The following AGO3 variants were observed in gnomAD, a reference collection of about 807,000 sequenced individuals.
AGO3 encodes the protein argonaute RISC catalytic component 3.
A neutral mutation model predicts 105.5 loss-of-function variants in AGO3; 16 were observed. The ratio of observed to expected loss-of-function variants is 0.15; its 90% CI spans 0.10 to 0.23. The LOEUF is 0.23. Among genes scored for constraint, AGO3 ranks in the 10% least tolerant of loss-of-function variants. The pLI, the probability that AGO3 is intolerant of heterozygous loss-of-function variation, is 1.00. For synonymous variants in AGO3, 340 were observed against 367.3 expected (o/e 0.93, Z 0.85); for missense variants, 534 against 1,088.0 (o/e 0.49, Z 7.16).
intron 9 of AGO3, 140 bp from the exon 10 acceptor site, chr1:36,013,490 C>G (rs955876160): frequency 6.3e-6 from 7 of 1,104,316 alleles, no homozygotes; most frequent in Non-Finnish European, 7.7e-6. Context: ...ATTCGCTGTT[C>G]TGTAGTTAGA....
intron 2 of AGO3, among the ~76,000 whole-genome samples, chr1:35,950,669 A>G (rs1646454690): frequency 6.6e-6 from 1 of 152,150 alleles, no homozygotes; most frequent in African/African-American, 2.4e-5. Context: ...AAATGTTACT[A>G]GTTTCTAATA....
At chr1:36,044,988 T>A (rs752556663) in intron 17 of AGO3, among the ~76,000 whole-genome samples, 3 of 152,210 alleles carry the variant, frequency 2.0e-5, no homozygotes, top group Non-Finnish European at 4.4e-5. Context: ...CAGCTCTGTA[T>A]CTTATAGCTT....
At chr1:35,937,506 C>T (rs773909202) in intron 1 of AGO3, among the ~76,000 whole-genome samples, 2 of 152,008 alleles carry the variant, frequency 1.3e-5, no homozygotes, top group African/African-American at 2.4e-5. Flanking sequence ...GCCTAACCAA[C>T]ATGGTGAAAC....
chr1:35,997,004 G>A (rs530484951), intron 5 of AGO3, among the ~76,000 whole-genome samples: 5 of 152,136 alleles, frequency 3.3e-5, no homozygotes, highest in African/African-American at 4.8e-5. Flanking sequence ...GCGGCCAGAC[G>A]CAGTGGCTCT....
In AGO3 at chr1:36,027,288, A is replaced by T. The variant is rs779474793; in HGVS notation, c.1581A>T (p.Thr527=). The T allele has an allele frequency of 4.2e-5, 68 of 1,612,632 alleles. No homozygotes were observed. Among genetic ancestry groups the T allele is most frequent in the Non-Finnish European group, 5.6e-5 (66 of 1,179,084 alleles). Residue 527 remains threonine, a synonymous_variant, in exon 12 of 19, where the codon ACA becomes ACT. Transcript: ENST00000373191. This position sits in a 1 kb window ranked among gnomAD's most constrained non-coding sequence, Gnocchi z 4.0. The stretch of plus-strand genomic sequence containing the variant: ...TTATCGTCATCCTGCCGGGGAAGAC[A>T]CCAGTGTATGGTAAGGATATCTTAA... ...QLIIVILPGK[T]PVYAEVKRVG...
rs1026487680 is a variant in AGO3 at position 36,066,541 on chromosome 1, CAA to C, written c.*10797_*10798del. The C allele has an allele frequency of 7.2e-5, 11 of 152,054 alleles. No homozygotes were observed. Among genetic ancestry groups the C allele is most frequent in the African/African-American group, 2.7e-4 (11 of 41,394 alleles). The allele number at this position is 152,054 out of a possible 1,614,324, so 9.4% of individuals were successfully genotyped here. On this transcript the variant is annotated 3_prime_UTR_variant, in exon 19 of 19. Coordinates refer to ENST00000373191, the MANE Select transcript of AGO3 (RefSeq NM_024852.4). ...TGCCACTGCACTCCAGCCTGGGCGA[CAA>C]GAGTGAAACTCCGTCTCAAAAAATA...
intron 9 of AGO3, among the ~76,000 whole-genome samples, chr1:36,012,258 C>G (rs775386971): frequency 4.6e-5 from 7 of 151,076 alleles, no homozygotes; most frequent in Non-Finnish European, 8.8e-5. Context: ...CGCTTGGGCC[C>G]CAGGAGATTG....
intron 12 of AGO3, among the ~76,000 whole-genome samples, chr1:36,032,687 T>G (rs1015623180): frequency 2.0e-5 from 3 of 152,132 alleles, no homozygotes; most frequent in Admixed American, 6.5e-5. Context: ...TTTTTCTATG[T>G]TTTTTATATA....
intron 12 of AGO3, among the ~76,000 whole-genome samples, chr1:36,029,854 G>A (rs569158111): frequency 1.4e-3 from 213 of 151,418 alleles, no homozygotes; most frequent in Non-Finnish European, 2.5e-3. Context: ...CACCATGCCT[G>A]GCTAATTTTT....
At position 36,027,070 on chromosome 1, in the gene AGO3, C is replaced by A. The variant is rs775132392; in HGVS notation, c.1407-44C>A. ...TTCCCATTACTACTTTGTAGGAATT[C>A]ATGACTAGACAAAGGTTTTATATTT... is the stretch of plus-strand genomic sequence containing the variant. On this transcript the variant is annotated intron_variant, in intron 11 of 18. Coordinates refer to ENST00000373191, the MANE Select transcript of AGO3 (RefSeq NM_024852.4). This position sits in a 1 kb window ranked among gnomAD's most constrained non-coding sequence, Gnocchi z 4.0. 40 of 1,555,970 alleles carry A rather than the reference C, an allele frequency of 2.6e-5. No homozygotes were observed. In the Middle Eastern group the frequency reaches 7.0e-4, roughly 27 times the overall value.
chr1:36,039,701 TAAAATA>T, intron 14 of AGO3, 83 bp from the exon 15 acceptor site: 3 of 991,932 alleles, frequency 3.0e-6, no homozygotes, highest in Non-Finnish European at 4.0e-6. Context: ...CAGGTTACAG[TAAAATA>T]AAAATGTAAA....
In AGO3 at chr1:35,959,156, A is replaced by G. The variant is rs552723738; in HGVS notation, c.192-7799A>G. On this transcript the variant is annotated intron_variant, in intron 2 of 18. Transcript: ENST00000373191. ...TTCTCTCTTCCCATTTTTCTGCTGT[A>G]TAAGTCAGGTGGTAAAATGGGACTT... Among the ~76,000 whole-genome samples the G allele has an allele frequency of 2.6e-5, 4 of 152,250 alleles. No individual in the cohort carries two copies. The East Asian group carries it at 5.8e-4, about 22-fold the overall frequency.
intron 3 of AGO3, 92 bp downstream of exon 3, chr1:35,967,167 A>G (rs1646788971): frequency 7.1e-7 from 1 of 1,398,934 alleles, no homozygotes; most frequent in African/African-American, 1.5e-5. Flanking sequence ...GTCCATATAT[A>G]TGTGAATATT....
At chr1:35,952,654 C>T (rs1408000260) in intron 2 of AGO3, among the ~76,000 whole-genome samples, 4 of 152,098 alleles carry the variant, frequency 2.6e-5, no homozygotes, top group African/African-American at 4.8e-5. Flanking sequence ...TGTTTAGATA[C>T]ACAAATACCA....
chr1:35,968,806 A>G (rs1052547662), intron 3 of AGO3, among the ~76,000 whole-genome samples: 2 of 152,030 alleles, frequency 1.3e-5, no homozygotes, highest in Admixed American at 6.6e-5. Flanking sequence ...AATCTGCTGT[A>G]TTGTTTTCCA....
Position 36,064,101 on chromosome 1 carries a change from TGGGCGCA to T in AGO3, c.*8358_*8364del, listed in dbSNP as rs938311771. ...ACTTTTAAAATAAAAGTACATGGGC[TGGGCGCA>T]GTGGCTAACGCCTGTAATCCCAGCA... On this transcript the variant is annotated 3_prime_UTR_variant, in exon 19 of 19. Transcript: ENST00000373191. 2 of 152,004 alleles carry T rather than the reference TGGGCGCA, an allele frequency of 1.3e-5. No individual in the cohort carries two copies. Among genetic ancestry groups the T allele is most frequent in the African/African-American group, 2.4e-5 (1 of 41,408 alleles). 9.4% of individuals were successfully genotyped at this position (152,004 alleles called of 1,614,324 possible). A position where few individuals can be genotyped will look rare whatever the true frequency, so the allele number is the denominator to read the frequency against.
At chr1:36,019,639 G>A (rs915997405) in intron 11 of AGO3, among the ~76,000 whole-genome samples, 4 of 152,222 alleles carry the variant, frequency 2.6e-5, no homozygotes, top group Admixed American at 6.5e-5. Flanking sequence ...GTGTTCAGAT[G>A]TAGCAGAAAG....
intron 1 of AGO3, among the ~76,000 whole-genome samples, chr1:35,940,098 A>T (rs1467217573): frequency 6.6e-6 from 1 of 151,178 alleles, no homozygotes; most frequent in African/African-American, 2.4e-5. Flanking sequence ...ATACAGTCTC[A>T]CTCTGTTGCC....
chr1:35,941,644 A>C (rs1045357888), intron 1 of AGO3, among the ~76,000 whole-genome samples: 2 of 152,192 alleles, frequency 1.3e-5, no homozygotes, highest in African/African-American at 4.8e-5. Context: ...CATCTGTAAA[A>C]TGATTCCTTC....
Sources: gnomAD v4.1 joint callset for allele counts (sites outside exome capture counted in the v4.1 genomes callset) on GRCh38, gnomAD v4.1.1 for gene constraint, Gnocchi (gnomAD v3.1) non-coding constraint, MANE v1.5 for transcripts, NCBI Gene and HGNC (gene_info 2026-07-23, HGNC 2026-07-21) for gene names.